Variants in CD200 observed in about 807,000 individuals in gnomAD.
CD200 encodes OX-2 membrane glycoprotein.
Under a neutral mutation model 30.9 loss-of-function variants are expected in CD200, and 15 were observed. The ratio of observed to expected loss-of-function variants is 0.49; its 90% CI spans 0.32 to 0.75. The LOEUF is 0.75. Among genes scored for constraint, CD200 ranks in the 30% least tolerant of loss-of-function variants. CD200 has a pLI of 0.03. For synonymous variants in CD200, 134 were observed against 126.2 expected, an observed-to-expected ratio of 1.06 and a Z score of -0.41; for missense variants, 262 against 324.2, an observed-to-expected ratio of 0.81 and a Z score of 1.47.
At chr3:112,335,497 G>GA (rs1483739260) in intron 1 of CD200, among the ~76,000 whole-genome samples, 2 of 152,172 alleles carry the variant, frequency 1.3e-5, no homozygotes, top group African/African-American at 4.8e-5. Flanking sequence ...TGTAGCCTTA[G>GA]AGATGTAAGG....
intron 1 of CD200, among the ~76,000 whole-genome samples, chr3:112,340,656 A>G (rs187691026): frequency 1.3e-5 from 2 of 152,328 alleles, no homozygotes; most frequent in African/African-American, 4.8e-5. Flanking sequence ...CTTCAGGAGC[A>G]AGGCCCCAAA....
At chr3:112,341,969 A>G (rs995087271) in intron 2 of CD200, among the ~76,000 whole-genome samples, 4 of 152,100 alleles carry the variant, frequency 2.6e-5, no homozygotes, top group Non-Finnish European at 4.4e-5. Context: ...TCCAGCCTGT[A>G]TTTGTTATAC....
upstream of CD200, chr3:112,332,587 C>T (rs2081020529): frequency 5.5e-6 from 1 of 183,448 alleles, no homozygotes; most frequent in Non-Finnish European, 1.1e-5. Context: ...AGCGAGACTC[C>T]GTCTCAAGAA....
intron 5 of CD200, among the ~76,000 whole-genome samples, chr3:112,359,393 T>C (rs958612503): frequency 6.6e-6 from 1 of 152,222 alleles, no homozygotes; most frequent in Non-Finnish European, 1.5e-5. Context: ...TAATTGATAG[T>C]TCAAAATGCA....
In CD200 at chr3:112,345,096, A is replaced by G. The variant is rs752247110; in HGVS notation, c.229A>G (p.Thr77Ala). 3 of 1,614,118 alleles carry G rather than the reference A, an allele frequency of 1.9e-6. No homozygotes were observed. The South Asian group carries it at 3.3e-5, about 18-fold the overall frequency. Residue 77 changes from threonine (T) to alanine (A), a missense_variant, in exon 3 of 6, where the codon ACC becomes GCC. Physicochemically the swap from Thr to Ala is moderately conservative, Grantham distance 58. Coordinates refer to ENST00000315711, the MANE Select transcript of CD200 (RefSeq NM_005944.7). Reference sequence around the variant, plus strand: ...AGCTGTAAGCCCAGAAAACATGGTCACCTTCAGCGAGAACCATGGGGTGGT... The same window carrying G: ...AGCTGTAAGCCCAGAAAACATGGTCGCCTTCAGCGAGAACCATGGGGTGGT... ...KKAVSPENMV[T>A]FSENHGVVIQ...
At chr3:112,345,974 T>C (rs1466577723) in intron 3 of CD200, among the ~76,000 whole-genome samples, 1 of 152,210 alleles carries the variant, frequency 6.6e-6, no homozygotes, top group Non-Finnish European at 1.5e-5. Context: ...CTTTGGAGCA[T>C]GGCACACACG....
chr3:112,337,606 A>G (rs917253103), intron 1 of CD200, among the ~76,000 whole-genome samples: 6 of 152,250 alleles, frequency 3.9e-5, no homozygotes, highest in Non-Finnish European at 8.8e-5. Flanking sequence ...AGGAAAATTA[A>G]TCTGTCAATA....
At chr3:112,361,178 A>G (rs943921408) in intron 5 of CD200, among the ~76,000 whole-genome samples, 2 of 151,622 alleles carry the variant, frequency 1.3e-5, no homozygotes, top group African/African-American at 4.9e-5. Flanking sequence ...CTGGGACTAC[A>G]GGTGCATGCC....
chr3:112,345,315 G>C (rs763680234), intron 3 of CD200, 27 bp downstream of exon 3: 1 of 1,567,526 alleles, frequency 6.4e-7, no homozygotes. Context: ...ATCATTGTCT[G>C]TGTCTGGAAA....
At chr3:112,353,627 G>C (rs1043240375) in intron 5 of CD200, among the ~76,000 whole-genome samples, 1 of 152,082 alleles carries the variant, frequency 6.6e-6, no homozygotes, top group African/African-American at 2.4e-5. Flanking sequence ...AAAGGTGTTC[G>C]ATAAACAATT....
chr3:112,356,527 A>C (rs2081626684), intron 5 of CD200, among the ~76,000 whole-genome samples: 1 of 152,194 alleles, frequency 6.6e-6, no homozygotes, highest in African/African-American at 2.4e-5. Flanking sequence ...GTAATATTCA[A>C]GTATACAATA....
At chr3:112,352,387 C>A (rs192103705) in intron 5 of CD200, among the ~76,000 whole-genome samples, 9 of 152,212 alleles carry the variant, frequency 5.9e-5, no homozygotes, top group African/African-American at 1.9e-4. Flanking sequence ...CCTTACTTTT[C>A]TTTTCTTTCT....
At chr3:112,347,866 C>G in intron 4 of CD200, 36 bp downstream of exon 4, 1 of 1,588,684 alleles carries the variant, frequency 6.3e-7, no homozygotes. Flanking sequence ...GTGGTTGTGT[C>G]TGTGTGCATG....
intron 5 of CD200, among the ~76,000 whole-genome samples, chr3:112,356,959 G>A (rs1017396251): frequency 3.3e-5 from 5 of 152,154 alleles, no homozygotes; most frequent in African/African-American, 1.2e-4. Context: ...ATACATACAA[G>A]TGCTTAGAAA....
At chr3:112,360,413 T>C (rs1306749147) in intron 5 of CD200, among the ~76,000 whole-genome samples, 1 of 152,034 alleles carries the variant, frequency 6.6e-6, no homozygotes, top group Non-Finnish European at 1.5e-5. Flanking sequence ...CAAGAAGTGT[T>C]CTTTACTAGT....
chr3:112,357,345 G>A (rs982373973), intron 5 of CD200, among the ~76,000 whole-genome samples: 6 of 152,026 alleles, frequency 3.9e-5, no homozygotes, highest in African/African-American at 1.4e-4. Context: ...CCTGGGAGGA[G>A]AGGGGCGGAG....
Position 112,361,591 on chromosome 3 carries a change from T to C in CD200, c.*41T>C. On this transcript the variant is annotated 3_prime_UTR_variant, in exon 6 of 6. Coordinates refer to ENST00000315711, the MANE Select transcript of CD200 (RefSeq NM_005944.7). ...CCCTGAAAGTGATTCCCTGGTCTAC[T>C]TGAATTTGACACAAGAGAAAAGCAG... The C allele has an allele frequency of 6.3e-7, 1 of 1,581,950 alleles. No homozygotes were observed. The highest frequency in any genetic ancestry group is 1.1e-5 in the South Asian group (1 of 90,402).
chr3:112,336,645 T>C (rs2081123832), intron 1 of CD200, among the ~76,000 whole-genome samples: 1 of 150,174 alleles, frequency 6.7e-6, no homozygotes, highest in Non-Finnish European at 1.5e-5. Flanking sequence ...CTTCAAATTA[T>C]AGTAGCAACA....
At position 112,342,353 on chromosome 3, in the gene CD200, CTTTCTTTCTTTCTTTCT is replaced by C. The variant is rs1559783327; in HGVS notation, c.94+1373_94+1389del. Among the ~76,000 whole-genome samples the C allele has an allele frequency of 4.8e-4, 5 of 10,368 alleles. 1 individual carries two copies. Among genetic ancestry groups the C allele is most frequent in the Admixed American group, 2.6e-3 (2 of 780 alleles). The allele number at this position is 10,368 out of a possible 152,430, so 6.8% of individuals were successfully genotyped here. A position where few individuals can be genotyped will look rare whatever the true frequency, so the allele number is the denominator to read the frequency against. The stretch of plus-strand genomic sequence containing the variant: ...TCTTTCTTTCCTTCTTTCTTTCTTT[CTTTCTTTCTTTCTTTCT>C]TTCTTTCTTTCTTTCTTTCTTTCTT... On this transcript the variant is annotated intron_variant, in intron 2 of 5. Coordinates refer to ENST00000315711, the MANE Select transcript of CD200 (RefSeq NM_005944.7).
Sources: allele counts gnomAD v4.1 joint callset (sites outside exome capture counted in the v4.1 genomes callset), GRCh38; gene constraint gnomAD v4.1.1; transcripts MANE v1.5; gene names NCBI Gene and HGNC (gene_info 2026-07-23, HGNC 2026-07-21).